The following LDLRAD4 variants were observed in gnomAD, a reference collection of about 807,000 sequenced individuals.
The protein encoded by LDLRAD4 is low density lipoprotein receptor class A domain containing 4.
A neutral mutation model predicts 17.0 loss-of-function variants in LDLRAD4; 5 were observed. That is an observed-to-expected ratio of 0.29 (90% CI 0.15 to 0.62). The LOEUF (loss-of-function observed/expected upper bound fraction) is 0.62. Among genes scored for constraint, LDLRAD4 ranks in the 20% least tolerant of loss-of-function variants. The pLI is 0.84. For missense variants in LDLRAD4, 340 were observed against 424.7 expected (o/e 0.80, Z 1.75); for synonymous variants, 168 against 171.8 (o/e 0.98, Z 0.17).
At chr18:13,644,498 G>A (rs2042892128) in intron 5 of LDLRAD4, among the ~76,000 whole-genome samples, 1 of 150,378 alleles carries the variant, frequency 6.6e-6, no homozygotes, top group South Asian at 2.1e-4. Flanking sequence ...AGCCCAGAAG[G>A]TTAAGGTTGC....
chr18:13,505,587 A>G (rs1600918143), intron 3 of LDLRAD4, among the ~76,000 whole-genome samples: 1 of 152,296 alleles, frequency 6.6e-6, no homozygotes, highest in East Asian at 1.9e-4. Flanking sequence ...TGGGAGGCCG[A>G]GGCGGGCGGA....
chr18:13,585,938 C>T (rs1179261083), intron 3 of LDLRAD4, among the ~76,000 whole-genome samples: 1 of 152,134 alleles, frequency 6.6e-6, no homozygotes, highest in African/African-American at 2.4e-5. Context: ...GTCCATCAAA[C>T]CTTCAGATTT....
At chr18:13,346,708 G>A (rs1343024383) in intron 1 of LDLRAD4, among the ~76,000 whole-genome samples, 1 of 152,156 alleles carries the variant, frequency 6.6e-6, no homozygotes, top group Non-Finnish European at 1.5e-5. Context: ...TTGTGTGGGA[G>A]TCTAAGTCTC....
intron 1 of LDLRAD4, among the ~76,000 whole-genome samples, chr18:13,255,681 G>A (rs2043465540): frequency 6.6e-6 from 1 of 152,074 alleles, no homozygotes; most frequent in African/African-American, 2.4e-5. Context: ...AGGCCCAAGG[G>A]AGAGGCAGGG....
intron 3 of LDLRAD4, among the ~76,000 whole-genome samples, chr18:13,551,178 C>T (rs529079836): frequency 2.6e-5 from 4 of 152,280 alleles, no homozygotes; most frequent in East Asian, 1.9e-4. Context: ...ATAGTGTCAT[C>T]GGGTGCCAAC....
At chr18:13,278,101 C>T (rs1360604263), upstream of LDLRAD4, 3 of 152,210 alleles carry the variant, frequency 2.0e-5, no homozygotes, top group African/African-American at 7.2e-5. Flanking sequence ...ATCTTTCTTT[C>T]TAGCGGTTCA....
chr18:13,645,026 T>C lies in LDLRAD4; in HGVS notation c.391-101T>C, dbSNP rs1323912965. ...TTTTCCTGGGAGATGGTGTTCAAAC[T>C]GGTAGGAACACACACCAAGCGTAAC... is the stretch of plus-strand genomic sequence containing the variant. On this transcript the variant is annotated intron_variant, in intron 5 of 5. Transcript: ENST00000359446. The surrounding 1 kb of genome is among the most constrained non-coding windows in gnomAD (Gnocchi z 5.7). The C allele has an allele frequency of 2.1e-6, 2 of 930,962 alleles. No individual in the cohort carries two copies. Among genetic ancestry groups the C allele is most frequent in the Non-Finnish European group, 3.2e-6 (2 of 619,092 alleles). The allele number at this position is 930,962 out of a possible 1,614,324, so 57.7% of individuals were successfully genotyped here. A position where few individuals can be genotyped will look rare whatever the true frequency, so the allele number is the denominator to read the frequency against.
At chr18:13,254,977 T>C (rs2043424355) in intron 1 of LDLRAD4, among the ~76,000 whole-genome samples, 1 of 152,102 alleles carries the variant, frequency 6.6e-6, no homozygotes, top group Non-Finnish European at 1.5e-5. Context: ...AAAAGTTAAA[T>C]AAAAGAAAAA....
chr18:13,309,291 C>T lies in LDLRAD4; in HGVS notation c.-383+31103C>T, dbSNP rs117970505. Among the ~76,000 whole-genome samples the T allele has an allele frequency of 3.3e-5, 5 of 152,200 alleles. No homozygotes were observed. The East Asian group carries it at 5.8e-4, about 18-fold the overall frequency. Reference sequence around the variant, plus strand: ...TTAGAGTGCCATTCTAGAGTGGCTTCGCGTACTGGTAATGAACGCCCATCA... The same window carrying T: ...TTAGAGTGCCATTCTAGAGTGGCTTTGCGTACTGGTAATGAACGCCCATCA... On this transcript the variant is annotated intron_variant, in intron 1 of 5. Transcript: ENST00000359446.
chr18:13,548,471 C>A (rs1353532214), intron 3 of LDLRAD4, among the ~76,000 whole-genome samples: 1 of 152,200 alleles, frequency 6.6e-6, no homozygotes, highest in African/African-American at 2.4e-5. Flanking sequence ...CAGAAGGGGC[C>A]AAGGGCAAGG....
chr18:13,299,010 G>A (rs554916866), intron 1 of LDLRAD4, among the ~76,000 whole-genome samples: 5 of 152,218 alleles, frequency 3.3e-5, no homozygotes, highest in South Asian at 2.1e-4. Context: ...ATGATTTTAC[G>A]TAGTATGTAG....
At chr18:13,479,092 A>C (rs1416950775) in intron 3 of LDLRAD4, among the ~76,000 whole-genome samples, 1 of 152,254 alleles carries the variant, frequency 6.6e-6, no homozygotes, top group Non-Finnish European at 1.5e-5. Flanking sequence ...AATTGAATCT[A>C]AACATAGACC....
In LDLRAD4 at chr18:13,398,987, C is replaced by T. The variant is rs559083481; in HGVS notation, c.40+11225C>T. On this transcript the variant is annotated intron_variant, in intron 2 of 5. Transcript: ENST00000359446. This position sits in a 1 kb window ranked among gnomAD's most constrained non-coding sequence, Gnocchi z 4.8. ...GGAGCAGTGGCTCACACCTATAACCCCAGCACTTTGGGCGGCCGAGGTAGG... is the reference window on the plus strand; with the variant it reads ...GGAGCAGTGGCTCACACCTATAACCTCAGCACTTTGGGCGGCCGAGGTAGG... Among the ~76,000 whole-genome samples the T allele has an allele frequency of 2.6e-5, 4 of 152,262 alleles. No homozygotes were observed. In the South Asian group the frequency reaches 8.3e-4, roughly 32 times the overall value.
chr18:13,315,765 CAAGAGTGAAACTCCGTCTA>C (rs2080896091), intron 1 of LDLRAD4, among the ~76,000 whole-genome samples: 1 of 98,032 alleles, frequency 1.0e-5, no homozygotes, highest in African/African-American at 4.2e-5. Flanking sequence ...GCCTGGGCAA[CAAGAGTGAAACTCCGTCTA>C]AAAAAAAAAA....
At chr18:13,449,820 G>A (rs562554555) in intron 3 of LDLRAD4, among the ~76,000 whole-genome samples, 18 of 152,300 alleles carry the variant, frequency 1.2e-4, no homozygotes, top group Admixed American at 5.9e-4. Context: ...AGGGTGTACC[G>A]CCGCAGGCCC....
At chr18:13,331,875 T>C (rs767279983) in intron 1 of LDLRAD4, among the ~76,000 whole-genome samples, 39 of 152,218 alleles carry the variant, frequency 2.6e-4, no homozygotes, top group Non-Finnish European at 4.8e-4. Context: ...ATTAAAATAA[T>C]TTTTATTTAG....
intron 2 of LDLRAD4, among the ~76,000 whole-genome samples, chr18:13,436,142 T>A (rs1033280377): frequency 1.3e-5 from 2 of 152,226 alleles, no homozygotes; most frequent in Non-Finnish European, 2.9e-5. Flanking sequence ...GGGAAATGTT[T>A]GGCCTTGGAA....
rs77071902 is a variant in LDLRAD4 at position 13,331,977 on chromosome 18, A to T, written c.-383+53789A>T. ...CAGCCTCCCAAGTAGCTGGGACTTC[A>T]GGTGTGTGCCATGGCACCTGCCAGA... On this transcript the variant is annotated intron_variant, in intron 1 of 5. Coordinates refer to ENST00000359446, the Ensembl canonical transcript of LDLRAD4. Among the ~76,000 whole-genome samples the T allele has an allele frequency of 1.3e-3, 203 of 152,308 alleles. 2 individuals are homozygous for T. The East Asian group carries it at 0.027, about 20-fold the overall frequency.
At chr18:13,395,311 A>G (rs1214805947) in intron 2 of LDLRAD4, among the ~76,000 whole-genome samples, 1 of 150,178 alleles carries the variant, frequency 6.7e-6, no homozygotes, top group East Asian at 2.0e-4. Context: ...AAGGCCTCAT[A>G]AAAATCAGGG....
Sources: allele counts gnomAD v4.1 joint callset (sites outside exome capture counted in the v4.1 genomes callset), GRCh38; gene constraint gnomAD v4.1.1; non-coding constraint Gnocchi (gnomAD v3.1); transcripts MANE v1.5; gene names NCBI Gene and HGNC (gene_info 2026-07-23, HGNC 2026-07-21).